Variants in SNCAIP observed in about 807,000 individuals in gnomAD.
SNCAIP encodes the protein synuclein alpha interacting protein, also known as synphilin-1.
In SNCAIP, 43 loss-of-function variants were observed where a neutral mutation model predicts 86.7. The observed-to-expected ratio is 0.50, with a 90% confidence interval of 0.39 to 0.64. The LOEUF (loss-of-function observed/expected upper bound fraction) is 0.64, where lower values mean the gene tolerates loss of function less well. Among genes scored for constraint, SNCAIP ranks in the 30% least tolerant of loss-of-function variants. SNCAIP has a pLI of 0.00. For missense variants in SNCAIP, 981 were observed against 1,103.1 expected, an observed-to-expected ratio of 0.89 and a Z score of 1.57; for synonymous variants, 417 against 427.2, an observed-to-expected ratio of 0.98 and a Z score of 0.29.
chr5:122,431,811 AT>A (rs1778464687), intron 5 of SNCAIP, among the ~76,000 whole-genome samples, 157 bp from the exon 6 acceptor site: 1 of 152,168 alleles, frequency 6.6e-6, no homozygotes, highest in Non-Finnish European at 1.5e-5. Flanking sequence ...CAGATCAGGA[AT>A]ATAATAGGTG....
intron 10 of SNCAIP, chr5:122,452,845 A>G (rs1783985429): frequency 1.2e-6 from 1 of 861,012 alleles, no homozygotes; most frequent in South Asian, 1.4e-5. Context: ...ATCTTCCTGC[A>G]TGCTTCATGT....
chr5:122,403,261 A>G (rs989598088), intron 2 of SNCAIP, among the ~76,000 whole-genome samples: 5 of 152,130 alleles, frequency 3.3e-5, no homozygotes, highest in African/African-American at 7.2e-5. Context: ...GGTATTTCCC[A>G]TGGAGATAAT....
intron 1 of SNCAIP, among the ~76,000 whole-genome samples, chr5:122,341,789 T>C (rs1295234231): frequency 1.3e-5 from 2 of 152,102 alleles, no homozygotes; most frequent in African/African-American, 4.8e-5. Context: ...CCTAGTACCC[T>C]GCAAATGTTG....
intron 1 of SNCAIP, among the ~76,000 whole-genome samples, chr5:122,320,852 AT>A (rs1353238915): frequency 1.3e-5 from 2 of 152,332 alleles, no homozygotes; most frequent in Admixed American, 6.5e-5. Flanking sequence ...TTGAGATGTT[AT>A]TATCGTGGCC....
At chr5:122,445,601 T>G (rs1284983986) in intron 8 of SNCAIP, among the ~76,000 whole-genome samples, 1 of 150,484 alleles carries the variant, frequency 6.6e-6, no homozygotes, top group East Asian at 2.0e-4. Flanking sequence ...GGGTAAATCT[T>G]AAAAATTAAA....
chr5:122,387,877 G>A (rs899451357), intron 1 of SNCAIP, among the ~76,000 whole-genome samples: 8 of 152,226 alleles, frequency 5.3e-5, no homozygotes, highest in Non-Finnish European at 7.3e-5. Context: ...GTATTTTGTT[G>A]CTGTTGTGGT....
rs542805502 is a variant in SNCAIP, at chr5:122,451,831, A to C, written c.2754+230A>C. On this transcript the variant is annotated intron_variant, in intron 10 of 10. Coordinates refer to ENST00000261368, the MANE Select transcript of SNCAIP (RefSeq NM_005460.4). ...TCTAAGAGAGAAAGGTTAAAAAAAA[A>C]ATAAGAGATTATATTCTGGTCCATA... The C allele has an allele frequency of 8.1e-5, 41 of 506,984 alleles. No homozygotes were observed. The East Asian group carries it at 1.4e-3, about 17-fold the overall frequency. 31.4% of individuals were successfully genotyped at this position (506,984 alleles called of 1,614,324 possible).
chr5:122,429,241 G>A (rs2152938683), intron 5 of SNCAIP, among the ~76,000 whole-genome samples: 1 of 151,506 alleles, frequency 6.6e-6, no homozygotes, highest in Non-Finnish European at 1.5e-5. Flanking sequence ...GAAGGAGAAA[G>A]ACTTCAAATT....
intron 1 of SNCAIP, among the ~76,000 whole-genome samples, chr5:122,328,405 A>G (rs1754567085): frequency 6.6e-6 from 1 of 152,156 alleles, no homozygotes; most frequent in South Asian, 2.1e-4. Context: ...CTCTGTCCAA[A>G]TTTCCTAGTT....
At chr5:122,405,372 G>C (rs1242959679) in intron 3 of SNCAIP, among the ~76,000 whole-genome samples, 2 of 152,184 alleles carry the variant, frequency 1.3e-5, no homozygotes, top group African/African-American at 4.8e-5. Context: ...GAATAAGAGA[G>C]AAGAAAAAAT....
chr5:122,333,846 TA>T (rs1242108741), intron 1 of SNCAIP, among the ~76,000 whole-genome samples: 3 of 152,312 alleles, frequency 2.0e-5, no homozygotes, highest in Middle Eastern at 6.8e-3. Flanking sequence ...CCCATGCTAG[TA>T]AATTACCTTT....
chr5:122,432,628 T>A (rs908432416), intron 6 of SNCAIP, among the ~76,000 whole-genome samples: 4 of 152,128 alleles, frequency 2.6e-5, no homozygotes, highest in African/African-American at 9.7e-5. Flanking sequence ...TATAAGACAT[T>A]AATCAAGGCA....
At chr5:122,369,001 G>C (rs543718682) in intron 1 of SNCAIP, among the ~76,000 whole-genome samples, 1 of 152,160 alleles carries the variant, frequency 6.6e-6, no homozygotes, top group South Asian at 2.1e-4. Context: ...AGTTCCAAGC[G>C]GCATTTTTCT....
At chr5:122,386,842 A>G (rs1396499079) in intron 1 of SNCAIP, among the ~76,000 whole-genome samples, 1 of 152,090 alleles carries the variant, frequency 6.6e-6, no homozygotes, top group African/African-American at 2.4e-5. Flanking sequence ...AAATTAAAAC[A>G]CATAACATAC....
At chr5:122,387,503 G>A (rs905183394) in intron 1 of SNCAIP, among the ~76,000 whole-genome samples, 1 of 152,192 alleles carries the variant, frequency 6.6e-6, no homozygotes, top group Non-Finnish European at 1.5e-5. Flanking sequence ...CGTAAAAAAT[G>A]TATTTTGCTT....
At chr5:122,449,302 A>C (rs1717399278) in intron 8 of SNCAIP, among the ~76,000 whole-genome samples, 1 of 152,194 alleles carries the variant, frequency 6.6e-6, no homozygotes, top group African/African-American at 2.4e-5. Context: ...CTGTATGGAT[A>C]CTCAAAGTAC....
chr5:122,440,076 C>A (rs1434334854), intron 6 of SNCAIP, among the ~76,000 whole-genome samples: 1 of 152,214 alleles, frequency 6.6e-6, no homozygotes. Context: ...ATGAACTTAT[C>A]TTACACTTGG....
At chr5:122,429,734 A>G (rs1231638950) in intron 5 of SNCAIP, among the ~76,000 whole-genome samples, 2 of 152,120 alleles carry the variant, frequency 1.3e-5, no homozygotes, top group African/African-American at 4.8e-5. Flanking sequence ...ATATAAAAGG[A>G]TGGTTGAGGG....
At chr5:122,460,890 C>G (rs1037619478) in intron 10 of SNCAIP, among the ~76,000 whole-genome samples, 2 of 152,200 alleles carry the variant, frequency 1.3e-5, no homozygotes, top group Non-Finnish European at 1.5e-5. Flanking sequence ...ACTGCTGCCT[C>G]CTGGCACTGC....
Sources: allele counts gnomAD v4.1 joint callset (sites outside exome capture counted in the v4.1 genomes callset), GRCh38; gene constraint gnomAD v4.1.1; transcripts MANE v1.5; gene names NCBI Gene and HGNC (gene_info 2026-07-23, HGNC 2026-07-21).